The following NKAIN3 variants were observed in gnomAD, a reference collection of about 807,000 sequenced individuals.
NKAIN3 encodes sodium/potassium-transporting ATPase subunit beta-1-interacting protein 3.
In NKAIN3, 25 loss-of-function variants were observed where a neutral mutation model predicts 30.2. That is an observed-to-expected ratio of 0.83 (90% CI 0.60 to 1.16). The LOEUF is 1.16. NKAIN3 is among the 50% of genes most tolerant of loss of function. The pLI is 0.00. For missense variants in NKAIN3, 225 were observed against 254.1 expected, an observed-to-expected ratio of 0.89 and a Z score of 0.78; for synonymous variants, 91 against 89.6, an observed-to-expected ratio of 1.02 and a Z score of -0.09.
intron 1 of NKAIN3, among the ~76,000 whole-genome samples, chr8:62,284,463 C>T (rs966316926): frequency 4.6e-5 from 7 of 152,002 alleles, no homozygotes; most frequent in East Asian, 1.9e-4. Flanking sequence ...CCCATCTCTA[C>T]GAAAAATACA....
At chr8:62,359,934 C>T (rs564236580) in intron 1 of NKAIN3, among the ~76,000 whole-genome samples, 6 of 152,258 alleles carry the variant, frequency 3.9e-5, no homozygotes, top group South Asian at 2.1e-4. Flanking sequence ...ATTACATAAA[C>T]GGTAAAAGAG....
intron 3 of NKAIN3, among the ~76,000 whole-genome samples, chr8:62,646,627 A>G (rs1426825062): frequency 6.6e-6 from 1 of 152,128 alleles, no homozygotes; most frequent in African/African-American, 2.4e-5. Context: ...TTCTTTGCAA[A>G]TCTATTCCAT....
intron 4 of NKAIN3, among the ~76,000 whole-genome samples, chr8:62,754,385 C>CAA (rs1333184364): frequency 6.6e-6 from 1 of 151,808 alleles, no homozygotes; most frequent in East Asian, 1.9e-4. Context: ...CACACACACA[C>CAA]ATGCACACAT....
At chr8:62,940,223 C>T (rs946156514) in intron 5 of NKAIN3, among the ~76,000 whole-genome samples, 2 of 150,772 alleles carry the variant, frequency 1.3e-5, no homozygotes. Context: ...TATTACAATC[C>T]TAAATATATA....
intron 1 of NKAIN3, among the ~76,000 whole-genome samples, chr8:62,305,870 T>C (rs1814220905): frequency 6.6e-6 from 1 of 150,398 alleles, no homozygotes; most frequent in Non-Finnish European, 1.5e-5. Context: ...CTGTGAGTCC[T>C]GAGCTTACTG....
intron 3 of NKAIN3, among the ~76,000 whole-genome samples, chr8:62,723,259 T>C (rs1316540680): frequency 6.6e-6 from 1 of 152,154 alleles, no homozygotes; most frequent in East Asian, 1.9e-4. Context: ...TCTACCTAAG[T>C]TGAAAAATAA....
At chr8:62,929,295 C>A (rs1390710405) in intron 5 of NKAIN3, among the ~76,000 whole-genome samples, 1 of 152,144 alleles carries the variant, frequency 6.6e-6, no homozygotes, top group East Asian at 1.9e-4. Flanking sequence ...CCGTATTGAG[C>A]AGGAGGGCTC....
chr8:62,615,431 T>C (rs1049582298), intron 3 of NKAIN3, among the ~76,000 whole-genome samples: 1 of 151,996 alleles, frequency 6.6e-6, no homozygotes, highest in Non-Finnish European at 1.5e-5. Flanking sequence ...CTGTGAAGTG[T>C]GGAGTTAGGG....
intron 4 of NKAIN3, among the ~76,000 whole-genome samples, chr8:62,747,459 C>T (rs1194913125): frequency 2.6e-5 from 4 of 152,172 alleles, no homozygotes; most frequent in South Asian, 2.1e-4. Flanking sequence ...ATGCATTCTT[C>T]GACTAATGCA....
chr8:62,948,135 T>C (rs1343575216), intron 5 of NKAIN3, among the ~76,000 whole-genome samples: 1 of 151,886 alleles, frequency 6.6e-6, no homozygotes, highest in Non-Finnish European at 1.5e-5. Flanking sequence ...GCCTGATACA[T>C]AAAATCAAGT....
At chr8:62,789,721 A>G (rs1260917711) in intron 4 of NKAIN3, among the ~76,000 whole-genome samples, 5 of 152,164 alleles carry the variant, frequency 3.3e-5, no homozygotes, top group Admixed American at 2.0e-4. Context: ...GAAGAAATGA[A>G]TAAATTCCTG....
At chr8:62,870,901 A>C (rs1260750119) in intron 4 of NKAIN3, among the ~76,000 whole-genome samples, 1 of 144,060 alleles carries the variant, frequency 6.9e-6, no homozygotes, top group Non-Finnish European at 1.5e-5. Flanking sequence ...CTTACTGTTT[A>C]GCTTTGGAAA....
intron 4 of NKAIN3, among the ~76,000 whole-genome samples, chr8:62,911,295 C>T (rs182420866): frequency 6.6e-6 from 1 of 152,244 alleles, no homozygotes; most frequent in East Asian, 1.9e-4. Flanking sequence ...TCTTTGCTTA[C>T]CTCTCACCTA....
intron 1 of NKAIN3, among the ~76,000 whole-genome samples, chr8:62,541,640 T>G (rs1808843983): frequency 6.6e-6 from 1 of 152,154 alleles, no homozygotes; most frequent in African/African-American, 2.4e-5. Flanking sequence ...CCACTCATCT[T>G]TTTTCTATTA....
chr8:62,446,343 G>C (rs940924647), intron 1 of NKAIN3, among the ~76,000 whole-genome samples: 1 of 151,762 alleles, frequency 6.6e-6, no homozygotes, highest in Non-Finnish European at 1.5e-5. Flanking sequence ...ACATATGGCT[G>C]GTTTTTTTTA....
intron 1 of NKAIN3, among the ~76,000 whole-genome samples, chr8:62,506,298 A>G (rs994650357): frequency 3.3e-5 from 5 of 151,926 alleles, no homozygotes; most frequent in Non-Finnish European, 7.4e-5. Context: ...AGAGACTACG[A>G]ATTCCAAAGT....
intron 1 of NKAIN3, among the ~76,000 whole-genome samples, chr8:62,289,906 CT>C (rs1563920734): frequency 6.6e-6 from 1 of 152,120 alleles, no homozygotes; most frequent in Admixed American, 6.6e-5. Flanking sequence ...TTTGTGTCTT[CT>C]TTTATTTCGT....
chr8:62,803,728 T>C (rs1438826874), intron 4 of NKAIN3, among the ~76,000 whole-genome samples: 4 of 151,994 alleles, frequency 2.6e-5, no homozygotes, highest in African/African-American at 9.7e-5. Context: ...AGCAAACACA[T>C]TCAAAAGCTA....
At chr8:62,852,832 T>G (rs1167472623) in intron 4 of NKAIN3, among the ~76,000 whole-genome samples, 1 of 152,206 alleles carries the variant, frequency 6.6e-6, no homozygotes, top group Non-Finnish European at 1.5e-5. Flanking sequence ...TTTGTTATCA[T>G]TTCTGTTCTT....
Sources: allele counts gnomAD v4.1 joint callset (sites outside exome capture counted in the v4.1 genomes callset), GRCh38; gene constraint gnomAD v4.1.1; transcripts MANE v1.5; gene names NCBI Gene and HGNC (gene_info 2026-07-23, HGNC 2026-07-21).